The following COLEC11 variants were observed in gnomAD, a reference collection of about 807,000 sequenced individuals.
COLEC11 encodes the protein collectin subfamily member 11, also known as collectin-11.
Under a neutral mutation model 27.3 loss-of-function variants are expected in COLEC11, and 20 were observed. That is an observed-to-expected ratio of 0.73 (90% CI 0.51 to 1.06). The LOEUF (loss-of-function observed/expected upper bound fraction) is 1.06. COLEC11 is among the 50% of genes least tolerant of loss of function. The pLI, the probability that COLEC11 is intolerant of heterozygous loss-of-function variation, is 0.00. For missense variants in COLEC11, 310 were observed against 383.0 expected, an observed-to-expected ratio of 0.81 and a Z score of 1.59; for synonymous variants, 163 against 154.7, an observed-to-expected ratio of 1.05 and a Z score of -0.40.
chr2:3,605,174 C>T (rs902306165), intron 2 of COLEC11: 124 of 460,800 alleles, frequency 2.7e-4, no homozygotes, highest in South Asian at 9.9e-4. Context: ...ATGTGGGCCC[C>T]TTGTTCAAAA....
intron 1 of COLEC11, chr2:3,603,794 A>G: frequency 1.2e-6 from 1 of 847,972 alleles, no homozygotes; most frequent in Non-Finnish European, 1.9e-6. Context: ...GATCTCACCG[A>G]GGAAGGCCAG....
At chr2:3,603,856 G>T in intron 1 of COLEC11, 1 of 612,674 alleles carries the variant, frequency 1.6e-6, no homozygotes, top group Non-Finnish European at 2.9e-6. Flanking sequence ...TTCCTTGTCT[G>T]TGAATGGAGC....
At chr2:3,603,721 G>A in intron 1 of COLEC11, 1 of 1,529,296 alleles carries the variant, frequency 6.5e-7, no homozygotes, top group South Asian at 1.2e-5. Flanking sequence ...CTCTTCCTAT[G>A]GGCTCGGCCC....
At chr2:3,623,260 T>G (rs1572436039) in intron 3 of COLEC11, among the ~76,000 whole-genome samples, 1 of 152,212 alleles carries the variant, frequency 6.6e-6, no homozygotes, top group Non-Finnish European at 1.5e-5. Flanking sequence ...ATAATGTATC[T>G]TGGTGAAGTT....
intron 3 of COLEC11, among the ~76,000 whole-genome samples, chr2:3,636,261 C>T (rs1665405818): frequency 6.6e-6 from 1 of 152,182 alleles, no homozygotes; most frequent in Non-Finnish European, 1.5e-5. Flanking sequence ...TCGAGACCAT[C>T]CTGGCTAACA....
chr2:3,643,927 GAGA>G lies in COLEC11; in HGVS notation c.628_630del (p.Lys210del). On this transcript the variant is annotated inframe_deletion, in exon 7 of 7. Transcript: ENST00000349077. ...TGTCTTCATCGGCATCAACGACCTGGAGAAGGAGGGCGCCTTCGTGTACTCTGA... is the reference window on the plus strand; with the variant it reads ...TGTCTTCATCGGCATCAACGACCTGGAGGAGGGCGCCTTCGTGTACTCTGA... 2 of 1,614,162 alleles carry G rather than the reference GAGA, an allele frequency of 1.2e-6. No homozygotes were observed. The highest frequency in any genetic ancestry group is 1.7e-6 in the Non-Finnish European group (2 of 1,180,056).
intron 3 of COLEC11, 104 bp downstream of exon 3, chr2:3,613,486 C>A: frequency 1.6e-6 from 2 of 1,233,922 alleles, no homozygotes; most frequent in Non-Finnish European, 2.3e-6. Context: ...AGAGGACAGG[C>A]CCTGCCCTCT....
intron 3 of COLEC11, among the ~76,000 whole-genome samples, chr2:3,615,326 G>T (rs1257078032): frequency 6.6e-6 from 1 of 152,130 alleles, no homozygotes; most frequent in African/African-American, 2.4e-5. Context: ...TTGAGATTAG[G>T]GAGTGGTGAT....
chr2:3,617,699 C>G (rs542000378), intron 3 of COLEC11: 2 of 1,600,026 alleles, frequency 1.2e-6, no homozygotes, highest in Non-Finnish European at 1.7e-6. Context: ...GGAGGAAAAG[C>G]GGAGCGAGGC....
At chr2:3,626,084 G>A (rs752544591) in intron 3 of COLEC11, 2 of 1,613,696 alleles carry the variant, frequency 1.2e-6, no homozygotes, top group Admixed American at 1.7e-5. Context: ...GTAGAAATGG[G>A]ATCACAGGGT....
At chr2:3,596,585 C>T (rs562713288) in intron 1 of COLEC11, among the ~76,000 whole-genome samples, 23 of 152,272 alleles carry the variant, frequency 1.5e-4, no homozygotes, top group African/African-American at 4.3e-4. Flanking sequence ...GATCTGCCCA[C>T]CTTGGCCTCC....
intron 2 of COLEC11, among the ~76,000 whole-genome samples, chr2:3,609,446 T>C (rs990782008): frequency 7.1e-6 from 1 of 141,244 alleles, no homozygotes; most frequent in East Asian, 2.3e-4. Flanking sequence ...TATAGCTAAC[T>C]GCAGCCTGCA....
chr2:3,627,935 T>C (rs1013645160), intron 3 of COLEC11, among the ~76,000 whole-genome samples: 20 of 152,284 alleles, frequency 1.3e-4, no homozygotes, highest in Admixed American at 1.2e-3. Flanking sequence ...GACCTGGGTG[T>C]GACAGCCCTG....
At chr2:3,629,092 G>A (rs1254896783) in intron 3 of COLEC11, among the ~76,000 whole-genome samples, 3 of 152,320 alleles carry the variant, frequency 2.0e-5, no homozygotes, top group South Asian at 2.1e-4. Context: ...GGAAAAAGGC[G>A]TTAGGGCTCT....
intron 3 of COLEC11, among the ~76,000 whole-genome samples, chr2:3,634,345 A>G (rs963761467): frequency 6.6e-6 from 1 of 152,182 alleles, no homozygotes; most frequent in Non-Finnish European, 1.5e-5. Context: ...CTCTTGGAGA[A>G]GGTGAATTCA....
chr2:3,607,298 ACTC>A lies in COLEC11; in HGVS notation c.130+2831_130+2833del, dbSNP rs562995859. 2.7e-3 allele frequency among the ~76,000 whole-genome samples: 411 copies of A among 152,002 alleles called. 3 individuals carry two copies. Among genetic ancestry groups the A allele is most frequent in the Admixed American group, 0.01 (153 of 15,272 alleles). ...GTCTTTACATTTAGAGAGAATGACAACTCCTTTTAATGGGAAAAAAGTCTTTTT... is the reference window on the plus strand; with the variant it reads ...GTCTTTACATTTAGAGAGAATGACAACTTTTAATGGGAAAAAAGTCTTTTT... On this transcript the variant is annotated intron_variant, in intron 2 of 6. Coordinates refer to ENST00000349077, the MANE Select transcript of COLEC11 (RefSeq NM_024027.5).
intron 3 of COLEC11, among the ~76,000 whole-genome samples, chr2:3,625,406 A>C (rs987134785): frequency 1.3e-5 from 2 of 151,756 alleles, no homozygotes; most frequent in African/African-American, 4.8e-5. Context: ...GGGGCCATGG[A>C]CCCAGCCCAG....
At chr2:3,605,926 G>A in intron 2 of COLEC11, 1 of 782,572 alleles carries the variant, frequency 1.3e-6, no homozygotes, top group Non-Finnish European at 1.9e-6. Context: ...GAAACCAAGT[G>A]GACTGTCCTG....
chr2:3,604,519 G>T, intron 2 of COLEC11, 49 bp downstream of exon 2: 1 of 1,598,300 alleles, frequency 6.3e-7, no homozygotes. Flanking sequence ...CTCCGGGCCA[G>T]CTGAGAGACT....
Sources: allele counts gnomAD v4.1 joint callset (sites outside exome capture counted in the v4.1 genomes callset), GRCh38; gene constraint gnomAD v4.1.1; transcripts MANE v1.5; gene names NCBI Gene and HGNC (gene_info 2026-07-23, HGNC 2026-07-21).